The following TRIM25 variants were observed in gnomAD, a reference collection of about 807,000 sequenced individuals.
TRIM25 encodes the protein E3 ubiquitin/ISG15 ligase TRIM25.
TRIM25 carries 45 observed loss-of-function variants against 65.2 expected under a neutral mutation model. The ratio of observed to expected loss-of-function variants is 0.69; its 90% confidence interval spans 0.54 to 0.89. The LOEUF (loss-of-function observed/expected upper bound fraction) is 0.89. TRIM25 is among the 40% of genes least tolerant of loss of function. The pLI is 0.00. For missense variants in TRIM25, 714 were observed against 803.7 expected, an observed-to-expected ratio of 0.89 and a Z score of 1.35; for synonymous variants, 321 against 340.4, an observed-to-expected ratio of 0.94 and a Z score of 0.63.
In TRIM25 at chr17:56,890,522, T is replaced by G; in HGVS notation, c.*1178A>C. Reference sequence around the variant, plus strand: ...GCCTGTGGCCAGGGATGAACAGGAATGTTCCTGTTCCCCATGAGGTTTGCT... The same window carrying G: ...GCCTGTGGCCAGGGATGAACAGGAAGGTTCCTGTTCCCCATGAGGTTTGCT... On this transcript the variant is annotated 3_prime_UTR_variant, in exon 9 of 9. Transcript: ENST00000316881. The G allele has an allele frequency of 2.2e-6, 1 of 447,708 alleles. No homozygotes were observed. Among genetic ancestry groups the G allele is most frequent in the Non-Finnish European group, 4.5e-6 (1 of 223,054 alleles). 27.7% of individuals were successfully genotyped at this position (447,708 alleles called of 1,614,324 possible).
intron 8 of TRIM25, among the ~76,000 whole-genome samples, chr17:56,894,494 C>T (rs1598071172): frequency 6.6e-6 from 1 of 152,224 alleles, no homozygotes; most frequent in East Asian, 1.9e-4. Flanking sequence ...AGGTGATCCA[C>T]CTGCCTCGGG....
Position 56,908,552 on chromosome 17 carries a change from C to G in TRIM25, c.609G>C (p.Arg203Ser), listed in dbSNP as rs1909566442. ...QASADLEATL[R>S]HKLTVMYSQI... ...GACTGTACATGACAGTTAGTTTGTGCCTCAGGGTGGCCTGCAGGGAAAACA... is the reference window on the plus strand; with the variant it reads ...GACTGTACATGACAGTTAGTTTGTGGCTCAGGGTGGCCTGCAGGGAAAACA... Residue 203 changes from arginine to serine, a missense_variant, in exon 2 of 9, where the codon AGG (arginine) becomes AGC (serine). Coordinates refer to ENST00000316881, the MANE Select transcript of TRIM25 (RefSeq NM_005082.5). 6.2e-7 allele frequency: 1 copy of G among 1,613,682 alleles called. No homozygotes were observed. The highest frequency in any genetic ancestry group is 1.3e-5 in the African/African-American group (1 of 74,900).
At chr17:56,894,318 G>A (rs1008449442) in intron 8 of TRIM25, among the ~76,000 whole-genome samples, 11 of 152,120 alleles carry the variant, frequency 7.2e-5, no homozygotes, top group Non-Finnish European at 1.5e-4. Context: ...GCACAATCTC[G>A]GCTCACTGCA....
chr17:56,913,801 A>G lies in TRIM25; in HGVS notation c.188T>C (p.Leu63Pro), dbSNP rs779266965. The G allele has an allele frequency of 1.3e-6, 2 of 1,559,736 alleles. No homozygotes were observed. Among genetic ancestry groups the G allele is most frequent in the Non-Finnish European group, 1.7e-6 (2 of 1,152,752 alleles). ...GTTGCACAGCACCGTGTTCTTGTGC[A>G]GCTGCGGTCGCGCCTGGTAGACGGC... is the stretch of plus-strand genomic sequence containing the variant. The part of the protein sequence containing the change: ...CRAVYQARPQ[L>P]HKNTVLCNVV... The change falls in exon 1 of 9, where the codon CTG becomes CCG. Residue 63 changes from leucine (L) to proline (P), a missense_variant. This residue lies in a region of TRIM25 where 291 missense variants were observed against 281.8 expected (regional missense o/e 1.03). Transcript: ENST00000316881. This position sits in a 1 kb window ranked among gnomAD's most constrained non-coding sequence, Gnocchi z 6.1.
Position 56,912,385 on chromosome 17 carries a change from A to G in TRIM25, c.597+1007T>C, listed in dbSNP as rs1273744888. Among the ~76,000 whole-genome samples the G allele has an allele frequency of 1.3e-5, 2 of 152,212 alleles. 1 individual carries two copies. Among genetic ancestry groups the G allele is most frequent in the South Asian group, 4.1e-4 (2 of 4,832 alleles). On this transcript the variant is annotated intron_variant, in intron 1 of 8. Coordinates refer to ENST00000316881, the MANE Select transcript of TRIM25 (RefSeq NM_005082.5). ...GGTCCAGGGGCCAAACCCCATGCTC[A>G]AAGTCACACGGCCAGGACGGAGGAC...
intron 1 of TRIM25, among the ~76,000 whole-genome samples, chr17:56,910,262 C>T (rs1909601523): frequency 6.6e-6 from 1 of 152,222 alleles, no homozygotes; most frequent in Non-Finnish European, 1.5e-5. Flanking sequence ...CTGGGCGGAA[C>T]CTGATCTTGA....
intron 2 of TRIM25, 86 bp downstream of exon 2, chr17:56,908,382 T>G (rs541254481): frequency 4.5e-6 from 6 of 1,328,654 alleles, no homozygotes; most frequent in Non-Finnish European, 6.4e-6. Context: ...ACACCAGCCT[T>G]GTCATGGTCA....
rs1201211175 is a variant in TRIM25, at chr17:56,901,513, G to A, written c.993C>T (p.His331=). 10 of 1,614,182 alleles carry A rather than the reference G, an allele frequency of 6.2e-6. No individual in the cohort carries two copies. Among genetic ancestry groups the A allele is most frequent in the Non-Finnish European group, 5.9e-6 (7 of 1,180,036 alleles). Residue 331 remains histidine, a synonymous_variant, in exon 4 of 9, where the codon CAC becomes CAT. Coordinates refer to ENST00000316881, the MANE Select transcript of TRIM25 (RefSeq NM_005082.5). ...TCTGGTGGATGCCTTTTATCAGCTTGTGGTTCAGTTCCACCTCGGGGATGT... is the reference window on the plus strand; with the variant it reads ...TCTGGTGGATGCCTTTTATCAGCTTATGGTTCAGTTCCACCTCGGGGATGT... ...PVYIPEVELN[H]KLIKGIHQST...
rs1035086845 is a variant in TRIM25 at position 56,908,531 on chromosome 17, G to A, written c.630C>T (p.Tyr210=). 1.2e-6 allele frequency: 2 copies of A among 1,614,016 alleles called. No homozygotes were observed. The highest frequency in any genetic ancestry group is 1.7e-6 in the Non-Finnish European group (2 of 1,180,026). Residue 210 remains tyrosine, a synonymous_variant, in exon 2 of 9, where the codon TAC becomes TAT. Transcript: ENST00000316881. ...ATLRHKLTVM[Y]SQINGASRAL... is the part of the protein sequence containing the mutation. ...CTCTCGACGCCCCGTTGATCTGACT[G>A]TACATGACAGTTAGTTTGTGCCTCA...
intron 4 of TRIM25, among the ~76,000 whole-genome samples, chr17:56,899,525 A>G (rs1432997411): frequency 6.6e-6 from 1 of 152,184 alleles, no homozygotes; most frequent in Non-Finnish European, 1.5e-5. Flanking sequence ...GAATGAGATC[A>G]AGGTCATGTA....
chr17:56,895,014 G>T (rs545986019), intron 8 of TRIM25, among the ~76,000 whole-genome samples: 1 of 152,216 alleles, frequency 6.6e-6, no homozygotes, highest in African/African-American at 2.4e-5. Flanking sequence ...TGCCGGCAAC[G>T]GGACGCCCGG....
chr17:56,893,853 G>C (rs1010594442), intron 8 of TRIM25, among the ~76,000 whole-genome samples: 1 of 152,188 alleles, frequency 6.6e-6, no homozygotes, highest in Non-Finnish European at 1.5e-5. Context: ...GCTGAAAGGC[G>C]TCCCTGGATT....
chr17:56,901,215 A>G (rs968810248), intron 4 of TRIM25, among the ~76,000 whole-genome samples: 3 of 152,184 alleles, frequency 2.0e-5, no homozygotes, highest in African/African-American at 4.8e-5. Flanking sequence ...CAAGTCCCCA[A>G]AAATGCTTTA....
Position 56,888,762 on chromosome 17 carries a change from GT to G in TRIM25, c.*2937del, listed in dbSNP as rs1909108750. 6.6e-6 allele frequency: 1 copy of G among 152,180 alleles called. No individual in the cohort carries two copies. The highest frequency in any genetic ancestry group is 1.5e-5 in the Non-Finnish European group (1 of 68,054). 9.4% of individuals were successfully genotyped at this position (152,180 alleles called of 1,614,324 possible). A position where few individuals can be genotyped will look rare whatever the true frequency, so the allele number is the denominator to read the frequency against. On this transcript the variant is annotated 3_prime_UTR_variant, in exon 9 of 9. Transcript: ENST00000316881. ...AACTCTATATAGGGCAGGACTAAGT[GT>G]GCTGGCTATAGGTCTGCAGAAATCT...
At chr17:56,907,729 A>G (rs1279269294) in intron 2 of TRIM25, among the ~76,000 whole-genome samples, 1 of 152,190 alleles carries the variant, frequency 6.6e-6, no homozygotes, top group African/African-American at 2.4e-5. Flanking sequence ...ACATGTCCAT[A>G]TACCAGAACC....
rs763613555 is a variant in TRIM25, at chr17:56,889,512, CAG to C, written c.*2186_*2187del. On this transcript the variant is annotated 3_prime_UTR_variant, in exon 9 of 9. Coordinates refer to ENST00000316881, the MANE Select transcript of TRIM25 (RefSeq NM_005082.5). ...TTATGTAAGGTCTCACCATTGCAAA[CAG>C]AATGGTTCAAGACAGCAAGGATGCA... The C allele has an allele frequency of 4.7e-4, 176 of 371,050 alleles. No individual in the cohort carries two copies. Among genetic ancestry groups the C allele is most frequent in the Non-Finnish European group, 7.6e-4 (159 of 209,078 alleles). 23.0% of individuals were successfully genotyped at this position (371,050 alleles called of 1,614,324 possible).
At chr17:56,895,318 G>T (rs746733101) in intron 8 of TRIM25, 25 bp downstream of exon 8, 1 of 1,594,342 alleles carries the variant, frequency 6.3e-7, no homozygotes, top group East Asian at 2.2e-5. Context: ...CAGTGGAACC[G>T]CGCACCAGCC....
In TRIM25 at chr17:56,891,335, C is replaced by A. The variant is rs1422621595; in HGVS notation, c.*365G>T. ...AGAGCAAAGGGGCAGCCTTCAGATC[C>A]AAGTGGCCCAAGACAGAACCTACAG... On this transcript the variant is annotated 3_prime_UTR_variant, in exon 9 of 9. Transcript: ENST00000316881. The A allele has an allele frequency of 3.1e-6, 1 of 321,384 alleles. No individual in the cohort carries two copies. Among genetic ancestry groups the A allele is most frequent in the African/African-American group, 2.2e-5 (1 of 46,176 alleles). 19.9% of individuals were successfully genotyped at this position (321,384 alleles called of 1,614,324 possible).
chr17:56,901,591 A>G lies in TRIM25; in HGVS notation c.928-13T>C. On this transcript the variant is annotated splice_polypyrimidine_tract_variant and intron_variant, in intron 3 of 8. Coordinates refer to ENST00000316881, the MANE Select transcript of TRIM25 (RefSeq NM_005082.5). The stretch of plus-strand genomic sequence containing the variant: ...GTTTTGATGCTTTCTGGAACATGCC[A>G]GGGGGTTAGTGCAGGCAGCTCTGGT... 1 of 1,613,932 alleles carries G rather than the reference A, an allele frequency of 6.2e-7. No individual in the cohort carries two copies. Among genetic ancestry groups the G allele is most frequent in the Non-Finnish European group, 8.5e-7 (1 of 1,179,916 alleles).
Sources: allele counts gnomAD v4.1 joint callset (sites outside exome capture counted in the v4.1 genomes callset), GRCh38; gene constraint gnomAD v4.1.1; regional missense constraint gnomAD v4.1.1; non-coding constraint Gnocchi (gnomAD v3.1); transcripts MANE v1.5; gene names NCBI Gene and HGNC (gene_info 2026-07-23, HGNC 2026-07-21).